NFYC: variants seen among roughly 807,000 people sequenced by gnomAD.
The protein encoded by NFYC is nuclear transcription factor Y subunit gamma, also known as CAAT box DNA-binding protein subunit C.
Under a neutral mutation model 53.1 loss-of-function variants are expected in NFYC, and 25 were observed. The observed-to-expected ratio is 0.47, with a 90% confidence interval of 0.34 to 0.66. NFYC has a LOEUF of 0.66. Ranked by LOEUF, NFYC falls within the 30% of genes least tolerant of loss-of-function variation. The probability of loss-of-function intolerance (pLI) is 0.01; values close to 1 mark genes in which losing one functional copy is unlikely to be tolerated. For missense variants in NFYC, 260 were observed against 422.7 expected, an observed-to-expected ratio of 0.62 and a Z score of 3.38; for synonymous variants, 145 against 152.6, an observed-to-expected ratio of 0.95 and a Z score of 0.37.
chr1:40,700,916 G>C (rs752479702), intron 1 of NFYC, among the ~76,000 whole-genome samples: 1 of 152,042 alleles, frequency 6.6e-6, no homozygotes, highest in African/African-American at 2.4e-5. Flanking sequence ...CCCTTCTCCA[G>C]CTTATTCTCC....
chr1:40,716,743 C>A (rs140986000), intron 1 of NFYC, among the ~76,000 whole-genome samples: 105 of 152,252 alleles, frequency 6.9e-4, no homozygotes, highest in African/African-American at 2.3e-3. Context: ...TGGCTATCAT[C>A]ATCATCGTTT....
chr1:40,769,897 T>C (rs1445350338), intron 9 of NFYC, among the ~76,000 whole-genome samples: 5 of 152,154 alleles, frequency 3.3e-5, no homozygotes, highest in Non-Finnish European at 7.4e-5. Context: ...TCTTCCCTTT[T>C]CCCTCTGCTT....
At chr1:40,732,221 G>C (rs1358277546) in intron 1 of NFYC, among the ~76,000 whole-genome samples, 1 of 152,222 alleles carries the variant, frequency 6.6e-6, no homozygotes, top group Non-Finnish European at 1.5e-5. Context: ...GTTTGGTATA[G>C]AGAATGAAGT....
intron 1 of NFYC, among the ~76,000 whole-genome samples, chr1:40,731,256 C>T (rs1426117965): frequency 6.6e-6 from 1 of 152,146 alleles, no homozygotes; most frequent in Non-Finnish European, 1.5e-5. Flanking sequence ...TTCACTGCAA[C>T]CTCCACCTCC....
intron 2 of NFYC, among the ~76,000 whole-genome samples, chr1:40,743,972 C>CA (rs1645481833): frequency 6.6e-6 from 1 of 152,050 alleles, no homozygotes; most frequent in African/African-American, 2.4e-5. Context: ...GGGGAGTTTT[C>CA]AAAAAACATG....
chr1:40,727,734 T>C (rs1370085712), intron 1 of NFYC, among the ~76,000 whole-genome samples: 1 of 152,046 alleles, frequency 6.6e-6, no homozygotes, highest in Non-Finnish European at 1.5e-5. Flanking sequence ...GGTTTCACCA[T>C]GTTGGCCCGG....
Position 40,727,114 on chromosome 1 carries a change from A to G in NFYC, c.-8-11722A>G, listed in dbSNP as rs574560566. ...TTCCACTGAAGTCTCAAACCCCTCA[A>G]AATCATCCAGGAGGATTGGAATCAA... On this transcript the variant is annotated intron_variant, in intron 1 of 9. Coordinates refer to ENST00000447388, the MANE Select transcript of NFYC (RefSeq NM_014223.5). 1.6e-4 allele frequency among the ~76,000 whole-genome samples: 24 copies of G among 152,302 alleles called. No homozygotes were observed. In the South Asian group the frequency reaches 5.0e-3, roughly 32 times the overall value.
At chr1:40,735,401 CAA>C (rs1377878500) in intron 1 of NFYC, 1 of 163,920 alleles carries the variant, frequency 6.1e-6, no homozygotes, top group African/African-American at 2.4e-5. Flanking sequence ...CTGAGCCAGC[CAA>C]AGATTCATGA....
intron 7 of NFYC, chr1:40,766,026 A>G (rs979529056): frequency 2.7e-5 from 4 of 150,034 alleles, no homozygotes; most frequent in South Asian, 2.3e-4. Context: ...GCTGAACACC[A>G]AAGATCCTAA....
At chr1:40,705,931 A>C (rs1036239126) in intron 1 of NFYC, among the ~76,000 whole-genome samples, 1 of 152,086 alleles carries the variant, frequency 6.6e-6, no homozygotes, top group African/African-American at 2.4e-5. Flanking sequence ...TTTTTTATAG[A>C]GATGGGGTCT....
intron 1 of NFYC, among the ~76,000 whole-genome samples, chr1:40,701,177 A>G (rs527413609): frequency 6.6e-6 from 1 of 152,004 alleles, no homozygotes. Context: ...GCTCACTGCA[A>G]CCTCTGCCTC....
intron 5 of NFYC, among the ~76,000 whole-genome samples, chr1:40,756,627 A>G (rs1414978925): frequency 6.6e-6 from 1 of 152,180 alleles, no homozygotes; most frequent in Non-Finnish European, 1.5e-5. Flanking sequence ...CTGCTTCCTC[A>G]CACTGTGGCC....
At chr1:40,728,857 C>T (rs986108891) in intron 1 of NFYC, among the ~76,000 whole-genome samples, 2 of 152,108 alleles carry the variant, frequency 1.3e-5, no homozygotes, top group Non-Finnish European at 1.5e-5. Context: ...AGGCTGGTCT[C>T]GAACTCCTGA....
chr1:40,762,801 C>T (rs1646615994), intron 6 of NFYC, 87 bp from the exon 7 acceptor site: 1 of 1,316,428 alleles, frequency 7.6e-7, no homozygotes, highest in Admixed American at 2.6e-5. Flanking sequence ...GGTTTGCTCC[C>T]AGCACATTGC....
intron 3 of NFYC, 81 bp downstream of exon 3, chr1:40,747,686 G>GT: frequency 1.1e-6 from 1 of 907,896 alleles, no homozygotes; most frequent in Admixed American, 2.2e-5. Flanking sequence ...AGAGCTCAAA[G>GT]TTTAATTAAA....
intron 1 of NFYC, among the ~76,000 whole-genome samples, chr1:40,701,510 T>C (rs947052405): frequency 4.6e-5 from 7 of 152,220 alleles, no homozygotes; most frequent in Admixed American, 3.9e-4. Context: ...GTTCACTTTG[T>C]CTATCTTGGT....
chr1:40,716,761 A>T (rs886186312), intron 1 of NFYC, among the ~76,000 whole-genome samples: 1 of 152,302 alleles, frequency 6.6e-6, no homozygotes, highest in East Asian at 1.9e-4. Flanking sequence ...TTTTTATTAC[A>T]TGGAGGCAAT....
intron 2 of NFYC, among the ~76,000 whole-genome samples, chr1:40,745,288 CAA>C (rs992112983): frequency 2.0e-5 from 3 of 152,264 alleles, no homozygotes; most frequent in Admixed American, 6.5e-5. Flanking sequence ...CCAAGCCAAA[CAA>C]GAGCACACTT....
chr1:40,729,435 T>G (rs1644664668), intron 1 of NFYC, among the ~76,000 whole-genome samples: 1 of 152,216 alleles, frequency 6.6e-6, no homozygotes, highest in African/African-American at 2.4e-5. Context: ...CTCTCAGCCT[T>G]CATAGAATTG....
Sources: allele counts gnomAD v4.1 joint callset (sites outside exome capture counted in the v4.1 genomes callset), GRCh38; gene constraint gnomAD v4.1.1; transcripts MANE v1.5; gene names NCBI Gene and HGNC (gene_info 2026-07-23, HGNC 2026-07-21).